DROSHA: variants seen among roughly 807,000 people sequenced by gnomAD.
The protein encoded by DROSHA is ribonuclease 3.
In DROSHA, 56 loss-of-function variants were observed where a neutral mutation model predicts 181.9. The observed-to-expected ratio is 0.31, with a 90% CI of 0.25 to 0.38. The LOEUF (loss-of-function observed/expected upper bound fraction) is 0.38. DROSHA is among the 10% of genes least tolerant of loss of function. The pLI is 1.00. For synonymous variants in DROSHA, 524 were observed against 591.2 expected, an observed-to-expected ratio of 0.89 and a Z score of 1.65; for missense variants, 1,218 against 1,743.5, an observed-to-expected ratio of 0.70 and a Z score of 5.37.
chr5:31,514,631 C>T lies in DROSHA; in HGVS notation c.1290+357G>A, dbSNP rs372871835. ...CTGCACTCCAGCCTGGGTGACAGAG[C>T]GAGACCCTGTCTCAAAAATAAATAA... On this transcript the variant is annotated intron_variant, in intron 8 of 35. Coordinates refer to ENST00000344624, the MANE Select transcript of DROSHA (RefSeq NM_001382508.1). The surrounding 1 kb of genome is among the most constrained non-coding windows in gnomAD (Gnocchi z 4.4). 1.6e-4 allele frequency among the ~76,000 whole-genome samples: 24 copies of T among 151,952 alleles called. No individual in the cohort carries two copies. The highest frequency in any genetic ancestry group is 5.6e-4 in the African/African-American group (23 of 41,332).
chr5:31,513,745 A>T (rs962627164), intron 8 of DROSHA, among the ~76,000 whole-genome samples: 1 of 152,156 alleles, frequency 6.6e-6, no homozygotes, highest in African/African-American at 2.4e-5. Context: ...AATCCCATAC[A>T]CTAAATCTAA....
In DROSHA at chr5:31,411,492, C is replaced by A. The variant is rs570792887; in HGVS notation, c.3526-605G>T. ...AGCTTCAAGTTTCACGGCACTGATG[C>A]TAATTTTGATATTATAGGACTTAAG... On this transcript the variant is annotated intron_variant, in intron 30 of 35. Transcript: ENST00000344624. This position sits in a 1 kb window ranked among gnomAD's most constrained non-coding sequence, Gnocchi z 4.2. Among the ~76,000 whole-genome samples the A allele has an allele frequency of 1.3e-5, 2 of 151,880 alleles. No homozygotes were observed. Among genetic ancestry groups the A allele is most frequent in the African/African-American group, 4.8e-5 (2 of 41,338 alleles).
chr5:31,526,724 T>C lies in DROSHA; in HGVS notation c.209A>G (p.Asn70Ser), dbSNP rs751358812. Residue 70 changes from asparagine to serine, a missense_variant, in exon 5 of 36, where the codon AAT (asparagine) becomes AGT (serine). Coordinates refer to ENST00000344624, the MANE Select transcript of DROSHA (RefSeq NM_001382508.1). Reference protein sequence around the residue: ...STTFSNSPAPNFLPPRPDFVP... With the variant: ...STTFSNSPAPSFLPPRPDFVP... ...AAAGTCTGGTCGTGGAGGGAGAAAA[T>C]TGGGGGCTGGAGAGTTTGAGAAAGT... is the stretch of plus-strand genomic sequence containing the variant. 7.1e-6 allele frequency: 11 copies of C among 1,559,434 alleles called. No homozygotes were observed. Among genetic ancestry groups the C allele is most frequent in the African/African-American group, 5.6e-5 (4 of 72,008 alleles).
chr5:31,474,771 A>G (rs1750169157), intron 16 of DROSHA, among the ~76,000 whole-genome samples: 1 of 152,174 alleles, frequency 6.6e-6, no homozygotes, highest in Non-Finnish European at 1.5e-5. Flanking sequence ...TGCCCTTACA[A>G]GAAACATGAA....
intron 35 of DROSHA, among the ~76,000 whole-genome samples, chr5:31,403,434 C>CACAT (rs1258745033): frequency 6.6e-6 from 1 of 152,118 alleles, no homozygotes; most frequent in Non-Finnish European, 1.5e-5. Flanking sequence ...TACACACACA[C>CACAT]ACATACACCT....
At chr5:31,445,296 G>A (rs139600823) in intron 23 of DROSHA, among the ~76,000 whole-genome samples, 199 of 152,250 alleles carry the variant, frequency 1.3e-3, no homozygotes, top group African/African-American at 4.5e-3. Context: ...GTCAAACTGT[G>A]TTAATGAGTT....
chr5:31,473,434 G>A (rs983270958), intron 16 of DROSHA, among the ~76,000 whole-genome samples: 1 of 152,156 alleles, frequency 6.6e-6, no homozygotes, highest in Non-Finnish European at 1.5e-5. Flanking sequence ...ATATATGTAG[G>A]CATGCATTCA....
intron 11 of DROSHA, among the ~76,000 whole-genome samples, 168 bp downstream of exon 11, chr5:31,504,387 G>C (rs887414159): frequency 5.3e-5 from 8 of 152,076 alleles, no homozygotes; most frequent in African/African-American, 1.9e-4. Context: ...TCCCCACTGC[G>C]CTCCCAAAAC....
At chr5:31,464,469 T>C in intron 19 of DROSHA, 126 bp from the exon 20 acceptor site, 1 of 809,902 alleles carries the variant, frequency 1.2e-6, no homozygotes, top group Middle Eastern at 2.7e-4. Context: ...CTCAAACCTC[T>C]TCATACAAAA....
intron 10 of DROSHA, among the ~76,000 whole-genome samples, chr5:31,506,647 C>T (rs1484088423): frequency 6.7e-6 from 1 of 149,780 alleles, no homozygotes; most frequent in Admixed American, 6.6e-5. Flanking sequence ...CACTGCACTC[C>T]AACTCCAGCC....
rs55656741 is a variant in DROSHA at position 31,515,550 on chromosome 5, G to A, written c.962C>T (p.Ser321Leu). The change falls in exon 7 of 36, where the codon TCG (serine) becomes TTG (leucine). Residue 321 changes from serine (S) to leucine (L), a missense_variant. Coordinates refer to ENST00000344624, the MANE Select transcript of DROSHA (RefSeq NM_001382508.1). The stretch of plus-strand genomic sequence containing the variant: ...GCATCCAGCAGGTTCAGGAACAACC[G>A]ATAAACCGTAACTCCTAAAAGAAAA... ...YKRSGRSYGL[S>L]VVPEPAGCTP... 0.46 allele frequency: 712,000 copies of A among 1,548,624 alleles called. 172,082 individuals carry two copies. Among genetic ancestry groups the A allele is most frequent in the Non-Finnish European group, 0.5 (567,717 of 1,144,472 alleles).
chr5:31,465,938 C>A (rs1382036463), intron 19 of DROSHA, among the ~76,000 whole-genome samples: 2 of 152,156 alleles, frequency 1.3e-5, no homozygotes, highest in Non-Finnish European at 2.9e-5. Flanking sequence ...ATAAATTACC[C>A]AGTCTCAGGT....
intron 35 of DROSHA, 51 bp from the exon 36 acceptor site, chr5:31,401,613 T>G: frequency 8.3e-7 from 1 of 1,197,998 alleles, no homozygotes; most frequent in East Asian, 3.6e-5. Flanking sequence ...TTTAATAATC[T>G]AGTGCAAAGA....
chr5:31,404,648 A>C (rs938797774), intron 35 of DROSHA, among the ~76,000 whole-genome samples: 1 of 152,176 alleles, frequency 6.6e-6, no homozygotes, highest in Non-Finnish European at 1.5e-5. Context: ...CAGAAGAAAA[A>C]TCCCTTGCAC....
At chr5:31,510,963 G>A in intron 9 of DROSHA, 72 bp downstream of exon 9, 1 of 1,565,450 alleles carries the variant, frequency 6.4e-7, no homozygotes, top group Non-Finnish European at 8.7e-7. Flanking sequence ...GACTCTCAAG[G>A]GTATTTCCCC....
intron 14 of DROSHA, 46 bp from the exon 15 acceptor site, chr5:31,485,008 A>G (rs1396735668): frequency 4.6e-6 from 6 of 1,318,214 alleles, no homozygotes; most frequent in Non-Finnish European, 6.3e-6. Flanking sequence ...GGCAAAATAT[A>G]CATTAACTGA....
At chr5:31,406,558 C>G (rs1397162300) in intron 34 of DROSHA, among the ~76,000 whole-genome samples, 1 of 152,110 alleles carries the variant, frequency 6.6e-6, no homozygotes, top group Non-Finnish European at 1.5e-5. Flanking sequence ...ACACACACAG[C>G]TTGCATCAAA....
chr5:31,449,179 T>G, intron 22 of DROSHA, 102 bp downstream of exon 22: 1 of 1,437,882 alleles, frequency 7.0e-7, no homozygotes, highest in South Asian at 1.4e-5. Context: ...TATGAGACGG[T>G]GAAAGAGTCA....
At chr5:31,499,561 CTG>C (rs1283543170) in intron 11 of DROSHA, among the ~76,000 whole-genome samples, 1 of 149,456 alleles carries the variant, frequency 6.7e-6, no homozygotes, top group Non-Finnish European at 1.5e-5. Context: ...GTGTTTAAGA[CTG>C]TGGAGAAAAT....
Sources: allele counts gnomAD v4.1 joint callset (sites outside exome capture counted in the v4.1 genomes callset), GRCh38; gene constraint gnomAD v4.1.1; non-coding constraint Gnocchi (gnomAD v3.1); transcripts MANE v1.5; gene names NCBI Gene and HGNC (gene_info 2026-07-23, HGNC 2026-07-21).